The following SH2D6 variants were observed in gnomAD, a reference collection of about 807,000 sequenced individuals.
The protein encoded by SH2D6 is SH2 domain containing 6, also known as SH2 domain-containing protein 6.
In SH2D6, 31 loss-of-function variants were observed where a neutral mutation model predicts 30.2. The observed-to-expected ratio is 1.03, with a 90% CI of 0.77 to 1.38. The LOEUF is 1.38. SH2D6 is among the 40% of genes most tolerant of loss of function. The pLI is 0.00. For synonymous variants in SH2D6, 93 were observed against 104.6 expected (o/e 0.89, Z 0.68); for missense variants, 240 against 266.8 (o/e 0.90, Z 0.70).
intron 5 of SH2D6, among the ~76,000 whole-genome samples, chr2:85,424,875 G>A (rs183007358): frequency 1.3e-5 from 2 of 152,272 alleles, no homozygotes; most frequent in African/African-American, 4.8e-5. Context: ...AGATCAGCCC[G>A]GCCAACATAG....
chr2:85,432,643 G>A (rs962523669), intron 14 of SH2D6, among the ~76,000 whole-genome samples: 1 of 151,972 alleles, frequency 6.6e-6, no homozygotes, highest in African/African-American at 2.4e-5. Context: ...CTCGTGATCC[G>A]CCTGCCTCGG....
At chr2:85,434,143 T>C in intron 17 of SH2D6, 32 bp downstream of exon 17, 1 of 1,547,156 alleles carries the variant, frequency 6.5e-7, no homozygotes, top group Non-Finnish European at 8.7e-7. Flanking sequence ...CACCTGTGTG[T>C]ATGTATGTGA....
At chr2:85,428,400 T>A (rs1346897126) in intron 6 of SH2D6, among the ~76,000 whole-genome samples, 184 bp from the exon 7 acceptor site, 1 of 152,208 alleles carries the variant, frequency 6.6e-6, no homozygotes, top group African/African-American at 2.4e-5. Flanking sequence ...CTCAGTGTTA[T>A]GACTGAATTG....
At chr2:85,433,528 G>A (rs560574122) in intron 15 of SH2D6, 43 bp from the exon 16 acceptor site, 2 of 974,854 alleles carry the variant, frequency 2.1e-6, no homozygotes, top group East Asian at 1.1e-4. Flanking sequence ...GGAGCCTCAG[G>A]ACTGGTCAAA....
intron 2 of SH2D6, among the ~76,000 whole-genome samples, chr2:85,420,309 G>A (rs566569020): frequency 4.6e-5 from 7 of 152,196 alleles, no homozygotes; most frequent in East Asian, 1.9e-4. Context: ...TAGTAGAGAC[G>A]GGGTTTCACC....
rs186662890 is a variant in SH2D6, at chr2:85,430,108, C to T, written c.64+93C>T. The T allele has an allele frequency of 2.9e-4, 44 of 152,764 alleles. No homozygotes were observed. Among genetic ancestry groups the T allele is most frequent in the African/African-American group, 1.0e-3 (43 of 41,572 alleles). The allele number at this position is 152,764 out of a possible 1,614,324, so 9.5% of individuals were successfully genotyped here. ...GTGACTCTGCACACCTCCTGCCTCC[C>T]AGAGCCCAGCACTGCTGAGTCACAG... On this transcript the variant is annotated intron_variant, in intron 10 of 23. Coordinates refer to ENST00000469800, the MANE Select transcript of SH2D6 (RefSeq NM_001394463.1). This position sits in a 1 kb window ranked among gnomAD's most constrained non-coding sequence, Gnocchi z 4.3.
At chr2:85,427,416 C>T (rs186050522) in intron 6 of SH2D6, among the ~76,000 whole-genome samples, 84 of 152,356 alleles carry the variant, frequency 5.5e-4, no homozygotes, top group African/African-American at 1.9e-3. Flanking sequence ...TCTTTCCTTC[C>T]CCTTCTCCCA....
intron 5 of SH2D6, among the ~76,000 whole-genome samples, chr2:85,423,317 C>T (rs1183937363): frequency 6.6e-6 from 1 of 152,204 alleles, no homozygotes; most frequent in Non-Finnish European, 1.5e-5. Flanking sequence ...CTGCAACTCC[C>T]ACCTCCCAGG....
chr2:85,432,358 G>A (rs1417049412), intron 14 of SH2D6, among the ~76,000 whole-genome samples: 1 of 151,092 alleles, frequency 6.6e-6, no homozygotes, highest in Admixed American at 6.6e-5. Flanking sequence ...AGCGATTTCT[G>A]GCTAATTTTT....
chr2:85,420,387 C>G (rs558630980), intron 2 of SH2D6, among the ~76,000 whole-genome samples: 22 of 152,238 alleles, frequency 1.4e-4, no homozygotes, highest in African/African-American at 5.3e-4. Flanking sequence ...CCCAAAGTGC[C>G]GGGATTACAG....
intron 6 of SH2D6, among the ~76,000 whole-genome samples, chr2:85,426,220 G>A (rs1329267095): frequency 2.0e-5 from 3 of 152,082 alleles, no homozygotes; most frequent in Non-Finnish European, 2.9e-5. Context: ...CTCACACCAC[G>A]GGTCCCGGCT....
At chr2:85,433,778 C>T (rs1689055054) in intron 16 of SH2D6, 147 bp downstream of exon 16, 1 of 713,806 alleles carries the variant, frequency 1.4e-6, no homozygotes, top group East Asian at 3.1e-5. Flanking sequence ...ACCGCATGGA[C>T]ATCACACTCC....
At chr2:85,435,017 C>G in intron 19 of SH2D6, 48 bp from the exon 20 acceptor site, 1 of 1,377,944 alleles carries the variant, frequency 7.3e-7, no homozygotes, top group Non-Finnish European at 9.8e-7. Context: ...CTTTGCCCAC[C>G]CCCACCCCAC....
chr2:85,428,821 G>C (rs2104899061), intron 7 of SH2D6, 124 bp downstream of exon 7: 1 of 152,340 alleles, frequency 6.6e-6, no homozygotes, highest in Middle Eastern at 3.4e-3. Context: ...AGTACTTGCG[G>C]CATGACGTTA....
intron 15 of SH2D6, among the ~76,000 whole-genome samples, 199 bp from the exon 16 acceptor site, chr2:85,433,372 C>T (rs1688989118): frequency 6.6e-6 from 1 of 152,204 alleles, no homozygotes; most frequent in African/African-American, 2.4e-5. Flanking sequence ...GGGGAAGGTG[C>T]TCGTGGGATG....
chr2:85,426,059 T>C (rs967480777), intron 6 of SH2D6, among the ~76,000 whole-genome samples: 3 of 152,142 alleles, frequency 2.0e-5, no homozygotes, highest in Non-Finnish European at 4.4e-5. Flanking sequence ...CTTCTGTTCT[T>C]GGTGAGCCCA....
At position 85,436,836 on chromosome 2, in the gene SH2D6, G is replaced by T; in HGVS notation, c.*13-1G>T. On this transcript the variant is annotated splice_acceptor_variant, in intron 23 of 23. Coordinates refer to ENST00000469800, the MANE Select transcript of SH2D6 (RefSeq NM_001394463.1). LOFTEE classifies it low-confidence loss of function (3UTR_SPLICE). ...GCTGACACCCTCTTCCTGGCCTCCA[G>T]GAATGCAGGTGTCTGCCCAGTTCAC... 1 of 465,606 alleles carries T rather than the reference G, an allele frequency of 2.1e-6. No individual in the cohort carries two copies. The highest frequency in any genetic ancestry group is 2.0e-5 in the African/African-American group (1 of 50,638). The allele number at this position is 465,606 out of a possible 1,614,324, so 28.8% of individuals were successfully genotyped here.
intron 14 of SH2D6, among the ~76,000 whole-genome samples, chr2:85,432,218 CT>C (rs34171730): frequency 0.54 from 74,329 of 136,418 alleles, 19,947 homozygotes; most frequent in Non-Finnish European, 0.58. Flanking sequence ...AGAGTCTGCT[CT>C]TTTTTTTTTT....
chr2:85,436,136 C>T (rs1160132800), intron 22 of SH2D6, among the ~76,000 whole-genome samples: 1 of 152,110 alleles, frequency 6.6e-6, no homozygotes, highest in East Asian at 1.9e-4. Flanking sequence ...AATGTCGCAC[C>T]CAGCATTTGC....
Sources: gnomAD v4.1 joint callset for allele counts (sites outside exome capture counted in the v4.1 genomes callset) on GRCh38, gnomAD v4.1.1 for gene constraint, Gnocchi (gnomAD v3.1) non-coding constraint, MANE v1.5 for transcripts, NCBI Gene and HGNC (gene_info 2026-07-23, HGNC 2026-07-21) for gene names.